LIPI: variants seen among roughly 807,000 people sequenced by gnomAD.
LIPI encodes lipase I.
In LIPI, 59 loss-of-function variants were observed where a neutral mutation model predicts 50.6. The observed-to-expected ratio is 1.16, with a 90% CI of 0.94 to 1.45. LIPI has a LOEUF of 1.45. Among genes scored for constraint, LIPI ranks in the 40% most tolerant of loss-of-function variants. The pLI is 0.00. For synonymous variants in LIPI, 203 were observed against 178.2 expected, an observed-to-expected ratio of 1.14 and a Z score of -1.11; for missense variants, 586 against 536.3, an observed-to-expected ratio of 1.09 and a Z score of -0.92.
At chr21:14,128,278 A>G (rs1488113840) in intron 9 of LIPI, among the ~76,000 whole-genome samples, 1 of 152,082 alleles carries the variant, frequency 6.6e-6, no homozygotes, top group Non-Finnish European at 1.5e-5. Flanking sequence ...AATCTTCCAC[A>G]ATGGGAATAA....
chr21:14,177,410 C>T (rs933986248), intron 4 of LIPI, among the ~76,000 whole-genome samples: 1 of 151,888 alleles, frequency 6.6e-6, no homozygotes, highest in East Asian at 1.9e-4. Flanking sequence ...TTAATTAGAG[C>T]ATAAGTCCAT....
At chr21:14,127,473 T>A (rs2122976741) in intron 9 of LIPI, among the ~76,000 whole-genome samples, 1 of 152,342 alleles carries the variant, frequency 6.6e-6, no homozygotes, top group South Asian at 2.1e-4. Flanking sequence ...CCAGATTTCA[T>A]ACATTTAATA....
intron 1 of LIPI, among the ~76,000 whole-genome samples, chr21:14,206,068 C>A (rs190714021): frequency 6.6e-6 from 1 of 152,082 alleles, no homozygotes; most frequent in Non-Finnish European, 1.5e-5. Flanking sequence ...ACCAAAGACA[C>A]ATGGGGAAGT....
intron 8 of LIPI, among the ~76,000 whole-genome samples, chr21:14,150,851 T>G (rs1172703624): frequency 6.6e-6 from 1 of 152,192 alleles, no homozygotes; most frequent in Non-Finnish European, 1.5e-5. Flanking sequence ...TTCTTTTATC[T>G]TCTTTGGGTG....
intron 9 of LIPI, among the ~76,000 whole-genome samples, chr21:14,136,905 AG>A (rs1421420430): frequency 6.6e-6 from 1 of 152,190 alleles, no homozygotes; most frequent in Non-Finnish European, 1.5e-5. Context: ...GGAAAATATA[AG>A]GAAAGAGAAC....
At chr21:14,151,811 C>T (rs569567700) in intron 8 of LIPI, among the ~76,000 whole-genome samples, 110 of 152,090 alleles carry the variant, frequency 7.2e-4, no homozygotes, top group African/African-American at 2.7e-3. Context: ...CTTGCACATA[C>T]ATATGTACAT....
intron 9 of LIPI, among the ~76,000 whole-genome samples, chr21:14,118,201 A>G (rs1230481561): frequency 1.3e-5 from 2 of 152,074 alleles, no homozygotes; most frequent in East Asian, 3.9e-4. Flanking sequence ...GAAGCCAATG[A>G]CTACCTTGAA....
At chr21:14,142,040 C>T (rs2017728963) in intron 9 of LIPI, among the ~76,000 whole-genome samples, 1 of 152,148 alleles carries the variant, frequency 6.6e-6, no homozygotes, top group Non-Finnish European at 1.5e-5. Context: ...AACAAGGGGA[C>T]AACAACCCCT....
intron 1 of LIPI, among the ~76,000 whole-genome samples, chr21:14,210,469 T>C (rs761573067): frequency 3.9e-5 from 6 of 152,116 alleles, no homozygotes; most frequent in African/African-American, 7.2e-5. Context: ...TAATTTTAAA[T>C]ACCAAATTAA....
intron 1 of LIPI, among the ~76,000 whole-genome samples, chr21:14,195,002 G>C (rs1223276495): frequency 1.3e-5 from 2 of 152,090 alleles, no homozygotes; most frequent in Non-Finnish European, 2.9e-5. Flanking sequence ...TGCTGAAAGG[G>C]AAGCAATGTA....
At position 14,168,149 on chromosome 21, in the gene LIPI, A is replaced by G. The variant is rs2018760369; in HGVS notation, c.644-1698T>C. Reference sequence around the variant, plus strand: ...GATGAAATGAATGAATGAAGCAAGAAGGGAAGTTTAGAGAAAAAAGAATAA... The same window carrying G: ...GATGAAATGAATGAATGAAGCAAGAGGGGAAGTTTAGAGAAAAAAGAATAA... On this transcript the variant is annotated intron_variant, in intron 4 of 9. Transcript: ENST00000681601. Among the ~76,000 whole-genome samples the G allele has an allele frequency of 2.0e-5, 3 of 152,210 alleles. No homozygotes were observed. The South Asian group carries it at 6.2e-4, about 32-fold the overall frequency.
At position 14,186,032 on chromosome 21, in the gene LIPI, C is replaced by A. The variant is rs772774393; in HGVS notation, c.470G>T (p.Gly157Val). The A allele has an allele frequency of 3.7e-6, 6 of 1,605,108 alleles. No individual in the cohort carries two copies. The South Asian group carries it at 6.6e-5, about 18-fold the overall frequency. The change falls in exon 3 of 10, where the codon GGT becomes GTT. Residue 157 changes from glycine (G) to valine (V), a missense_variant. Transcript: ENST00000681601. ...ACTGATATGAGCCCCTAAGCTCACA[C>A]CTATGAAATGAAAATTGTCAAGAGA... ...GASLDNFHFI[G>V]VSLGAHISGF... is the part of the protein sequence containing the mutation.
rs964104414 is a variant in LIPI at position 14,139,882 on chromosome 21, A to C, written c.1295+4741T>G. 3.9e-5 allele frequency among the ~76,000 whole-genome samples: 6 copies of C among 152,212 alleles called. No individual in the cohort carries two copies. In the South Asian group the frequency reaches 1.2e-3, roughly 31 times the overall value. ...ATCCTACCTGGTGTGTCCAAGGAACAGCAAAGAAGGCTGTCAGGATATAGC... is the reference window on the plus strand; with the variant it reads ...ATCCTACCTGGTGTGTCCAAGGAACCGCAAAGAAGGCTGTCAGGATATAGC... On this transcript the variant is annotated intron_variant, in intron 9 of 9. Transcript: ENST00000681601.
At chr21:14,124,637 G>A (rs553862359) in intron 9 of LIPI, among the ~76,000 whole-genome samples, 3 of 152,308 alleles carry the variant, frequency 2.0e-5, no homozygotes, top group South Asian at 2.1e-4. Context: ...GCCTAAGTAC[G>A]CTTCCTGCAT....
intron 4 of LIPI, among the ~76,000 whole-genome samples, chr21:14,172,253 T>G (rs979016355): frequency 1.3e-5 from 2 of 151,626 alleles, no homozygotes; most frequent in Non-Finnish European, 3.0e-5. Context: ...ATAGGAACAC[T>G]TTTACACTGT....
At chr21:14,118,170 G>A (rs959009270) in intron 9 of LIPI, among the ~76,000 whole-genome samples, 6 of 152,084 alleles carry the variant, frequency 3.9e-5, no homozygotes, top group Admixed American at 6.6e-5. Flanking sequence ...AAGATCTGAC[G>A]TGGATCTAAT....
chr21:14,193,450 T>C (rs1368307111), intron 1 of LIPI, among the ~76,000 whole-genome samples: 1 of 152,046 alleles, frequency 6.6e-6, no homozygotes, highest in African/African-American at 2.4e-5. Flanking sequence ...ACTGAAAACA[T>C]ATTGGCAGAA....
intron 9 of LIPI, among the ~76,000 whole-genome samples, chr21:14,117,582 C>T (rs2016699371): frequency 6.6e-6 from 1 of 152,180 alleles, no homozygotes; most frequent in Non-Finnish European, 1.5e-5. Context: ...AGGCAACAAA[C>T]ACTGGAAAGG....
At chr21:14,159,165 G>A (rs13052831) in intron 7 of LIPI, among the ~76,000 whole-genome samples, 110,204 of 151,124 alleles carry the variant, frequency 0.73, 40,372 homozygotes, top group Middle Eastern at 0.89. Flanking sequence ...GTACGAATAC[G>A]CTATTACTGT....
Sources: gnomAD v4.1 joint callset for allele counts (sites outside exome capture counted in the v4.1 genomes callset) on GRCh38, gnomAD v4.1.1 for gene constraint, MANE v1.5 for transcripts, NCBI Gene and HGNC (gene_info 2026-07-23, HGNC 2026-07-21) for gene names.